Variants in ABCC4 observed in about 807,000 individuals in gnomAD.
ABCC4 encodes the protein ATP-binding cassette sub-family C member 4.
In ABCC4, 102 loss-of-function variants were observed where a neutral mutation model predicts 168.5. The observed-to-expected ratio is 0.61, with a 90% CI of 0.52 to 0.71. The LOEUF (loss-of-function observed/expected upper bound fraction) is 0.71, where lower values mean the gene tolerates loss of function less well. ABCC4 is among the 30% of genes least tolerant of loss of function. ABCC4 has a pLI of 0.00. For synonymous variants in ABCC4, 617 were observed against 590.7 expected, an observed-to-expected ratio of 1.04 and a Z score of -0.65; for missense variants, 1,402 against 1,605.8, an observed-to-expected ratio of 0.87 and a Z score of 2.17.
intron 1 of ABCC4, among the ~76,000 whole-genome samples, chr13:95,270,008 A>C (rs1401352971): frequency 6.6e-6 from 1 of 152,172 alleles, no homozygotes; most frequent in Non-Finnish European, 1.5e-5. Flanking sequence ...TCAGGGGTTC[A>C]TTACTGTTCC....
intron 13 of ABCC4, among the ~76,000 whole-genome samples, chr13:95,171,049 G>GT (rs1240751404): frequency 6.9e-6 from 1 of 145,186 alleles, no homozygotes; most frequent in Non-Finnish European, 1.5e-5. Context: ...ACATATCAAC[G>GT]CCCCCCCTCC....
At chr13:95,281,082 A>G (rs2041110314) in intron 1 of ABCC4, among the ~76,000 whole-genome samples, 1 of 151,962 alleles carries the variant, frequency 6.6e-6, no homozygotes, top group Non-Finnish European at 1.5e-5. Flanking sequence ...GGTAATTTGC[A>G]TGTGGCTGTA....
intron 8 of ABCC4, among the ~76,000 whole-genome samples, chr13:95,203,705 C>G (rs2038696946): frequency 1.3e-5 from 2 of 152,000 alleles, no homozygotes; most frequent in Admixed American, 1.3e-4. Flanking sequence ...CTTACAAGAG[C>G]AGGTCCACCA....
At position 95,263,256 on chromosome 13, in the gene ABCC4, A is replaced by G. The variant is rs1299275637; in HGVS notation, c.75-15503T>C. On this transcript the variant is annotated intron_variant, in intron 1 of 30. Coordinates refer to ENST00000645237, the MANE Select transcript of ABCC4 (RefSeq NM_005845.5). ...AGACACATGCATAAAACAAGGTTATATATTAAATGGCTGACAAAAATGTGA... is the reference window on the plus strand; with the variant it reads ...AGACACATGCATAAAACAAGGTTATGTATTAAATGGCTGACAAAAATGTGA... 2.0e-5 allele frequency among the ~76,000 whole-genome samples: 3 copies of G among 152,310 alleles called. No individual in the cohort carries two copies. In the East Asian group the frequency reaches 5.8e-4, roughly 29 times the overall value.
In ABCC4 at chr13:95,178,037, T is replaced by C. The variant is rs1342882666; in HGVS notation, c.1600A>G (p.Thr534Ala). ...CGTGCTTTCTGCCCTCCACTCAGCG[T>C]GGTTCCCCGATCTCCTATCACAGTC... is the stretch of plus-strand genomic sequence containing the variant. Reference protein sequence around the residue: ...DLTVIGDRGTTLSGGQKARVN... With the variant: ...DLTVIGDRGTALSGGQKARVN... The change falls in exon 12 of 31, where the codon ACG (threonine) becomes GCG (alanine). Residue 534 changes from threonine (T) to alanine (A), a missense_variant. Physicochemically the swap from Thr to Ala is moderately conservative, Grantham distance 58 (BLOSUM62 0). Coordinates refer to ENST00000645237, the MANE Select transcript of ABCC4 (RefSeq NM_005845.5). 1 of 1,614,194 alleles carries C rather than the reference T, an allele frequency of 6.2e-7. No homozygotes were observed. Among genetic ancestry groups the C allele is most frequent in the African/African-American group, 1.3e-5 (1 of 75,046 alleles).
intron 4 of ABCC4, among the ~76,000 whole-genome samples, chr13:95,212,663 C>G (rs1469021739): frequency 6.6e-6 from 1 of 152,020 alleles, no homozygotes; most frequent in African/African-American, 2.4e-5. Context: ...ATTACTGTGA[C>G]CAGGTGTAGA....
chr13:95,179,676 C>T (rs2037825687), intron 11 of ABCC4, among the ~76,000 whole-genome samples: 1 of 152,166 alleles, frequency 6.6e-6, no homozygotes, highest in Non-Finnish European at 1.5e-5. Context: ...GAGAACATCG[C>T]TGGGTATTGA....
chr13:95,021,891 TG>T (rs1305710809), intron 30 of ABCC4, among the ~76,000 whole-genome samples: 2 of 152,196 alleles, frequency 1.3e-5, no homozygotes, highest in Non-Finnish European at 2.9e-5. Flanking sequence ...CCAAACAACC[TG>T]TAGATCCATT....
intron 20 of ABCC4, among the ~76,000 whole-genome samples, chr13:95,098,096 A>G (rs1262015446): frequency 2.7e-5 from 4 of 148,600 alleles, no homozygotes; most frequent in Non-Finnish European, 5.9e-5. Context: ...AGATTGCACC[A>G]CTGCACTCCA....
rs960590673 is a variant in ABCC4 at position 95,136,435 on chromosome 13, G to A, written c.2456-20434C>T. 5.3e-5 allele frequency among the ~76,000 whole-genome samples: 8 copies of A among 152,266 alleles called. 1 individual carries two copies. Among genetic ancestry groups the A allele is most frequent in the South Asian group, 2.1e-4 (1 of 4,818 alleles). Reference sequence around the variant, plus strand: ...CTCCCAAAGTGCTAAGATTACAGGCGTGAGCCACCGTACCCGGCCAGATCT... The same window carrying A: ...CTCCCAAAGTGCTAAGATTACAGGCATGAGCCACCGTACCCGGCCAGATCT... On this transcript the variant is annotated intron_variant, in intron 19 of 30. Transcript: ENST00000645237.
intron 19 of ABCC4, among the ~76,000 whole-genome samples, chr13:95,125,928 G>A (rs950010160): frequency 2.6e-5 from 4 of 152,176 alleles, no homozygotes; most frequent in Non-Finnish European, 5.9e-5. Flanking sequence ...CAGATCCCTG[G>A]ACAGCAACAG....
At chr13:95,114,313 G>C (rs944814200) in intron 20 of ABCC4, among the ~76,000 whole-genome samples, 3 of 152,098 alleles carry the variant, frequency 2.0e-5, no homozygotes, top group African/African-American at 7.2e-5. Context: ...GCACATAAGG[G>C]ATACTAATTA....
intron 4 of ABCC4, among the ~76,000 whole-genome samples, chr13:95,222,998 A>C (rs2039348754): frequency 6.6e-6 from 1 of 152,168 alleles, no homozygotes; most frequent in Admixed American, 6.5e-5. Context: ...AGCACTAAAA[A>C]AGAGTTAACT....
At chr13:95,281,486 A>G (rs1035582130) in intron 1 of ABCC4, among the ~76,000 whole-genome samples, 26 of 152,092 alleles carry the variant, frequency 1.7e-4, no homozygotes, top group Non-Finnish European at 1.6e-4. Context: ...AATTATACAG[A>G]CTTGGACCTC....
In ABCC4 at chr13:95,209,441, A is replaced by G. The variant is rs1272472674; in HGVS notation, c.778T>C (p.Ser260Pro). Residue 260 changes from serine (S) to proline (P), a missense_variant, in exon 6 of 31, where the codon TCA becomes CCA. This residue lies in a region of ABCC4 where 317 missense variants were observed against 345.5 expected (regional missense o/e 0.92). Coordinates refer to ENST00000645237, the MANE Select transcript of ABCC4 (RefSeq NM_005845.5). ...LQSCFGKLFS[S>P]LRSKTATFTD... ...CAGCAGTATTTCTCTTACCTCAGTG[A>G]TGAGAACAACTTCCCAAAACAGCTT... The G allele has an allele frequency of 3.7e-6, 6 of 1,613,934 alleles. No individual in the cohort carries two copies. The highest frequency in any genetic ancestry group is 1.3e-5 in the African/African-American group (1 of 74,938).
chr13:95,259,689 C>T (rs1329962428), intron 1 of ABCC4, among the ~76,000 whole-genome samples: 2 of 152,164 alleles, frequency 1.3e-5, no homozygotes, highest in African/African-American at 2.4e-5. Flanking sequence ...AAATGTTGAC[C>T]TCAGACAGAA....
chr13:95,102,061 C>T (rs575831804), intron 20 of ABCC4, among the ~76,000 whole-genome samples: 5 of 152,268 alleles, frequency 3.3e-5, no homozygotes, highest in Non-Finnish European at 7.4e-5. Context: ...AGAAGGTAAG[C>T]GGTAGAGCTA....
chr13:95,134,754 G>A (rs941590025), intron 19 of ABCC4, among the ~76,000 whole-genome samples: 1 of 151,958 alleles, frequency 6.6e-6, no homozygotes, highest in Non-Finnish European at 1.5e-5. Flanking sequence ...ATAAGGACAA[G>A]AGCCATAGAG....
chr13:95,211,840 T>C (rs772691237), intron 4 of ABCC4, among the ~76,000 whole-genome samples: 5 of 151,926 alleles, frequency 3.3e-5, no homozygotes, highest in Non-Finnish European at 5.9e-5. Flanking sequence ...ACGAGGGCTA[T>C]GTGAATGGGA....
Sources: allele counts gnomAD v4.1 joint callset (sites outside exome capture counted in the v4.1 genomes callset), GRCh38; gene constraint gnomAD v4.1.1; regional missense constraint gnomAD v4.1.1; transcripts MANE v1.5; gene names NCBI Gene and HGNC (gene_info 2026-07-23, HGNC 2026-07-21).